BCL2: variants seen among roughly 807,000 people sequenced by gnomAD.
The protein encoded by BCL2 is apoptosis regulator Bcl-2.
BCL2 carries 1 observed loss-of-function variant against 14.2 expected under a neutral mutation model. The observed-to-expected ratio is 0.07, with a 90% CI of 0.02 to 0.33. BCL2 has a LOEUF of 0.33. BCL2 is among the 10% of genes least tolerant of loss of function. The pLI is 0.99. For synonymous variants in BCL2, 151 were observed against 137.2 expected (o/e 1.10, Z -0.70); for missense variants, 247 against 305.9 (o/e 0.81, Z 1.44).
chr18:63,222,466 G>C (rs1910424218), intron 2 of BCL2, among the ~76,000 whole-genome samples: 1 of 151,756 alleles, frequency 6.6e-6, no homozygotes, highest in Non-Finnish European at 1.5e-5. Context: ...ATCTCAAATG[G>C]AGTACAAAAT....
rs577905732 is a variant in BCL2, at chr18:63,274,305, T to A, written c.585+43777A>T. Among the ~76,000 whole-genome samples the A allele has an allele frequency of 5.2e-3, 684 of 132,302 alleles. 5 individuals carry two copies. Among genetic ancestry groups the A allele is most frequent in the African/African-American group, 0.019 (656 of 35,370 alleles). The allele number at this position is 132,302 out of a possible 152,430, so 86.8% of individuals were successfully genotyped here. A position where few individuals can be genotyped will look rare whatever the true frequency, so the allele number is the denominator to read the frequency against. On this transcript the variant is annotated intron_variant, in intron 2 of 2. Coordinates refer to ENST00000333681, the MANE Select transcript of BCL2 (RefSeq NM_000633.3). The stretch of plus-strand genomic sequence containing the variant: ...TTTTTTTTTTTTTTTTTTTTTGAGA[T>A]GGAGTCTTGCTCTGTCACCCAGGCT...
intron 2 of BCL2, among the ~76,000 whole-genome samples, chr18:63,217,537 A>G (rs1008951419): frequency 5.3e-5 from 8 of 152,206 alleles, no homozygotes; most frequent in South Asian, 4.1e-4. Flanking sequence ...ATGATCCCCA[A>G]TAGTTCACCC....
At chr18:63,267,476 T>C (rs1048752346) in intron 2 of BCL2, among the ~76,000 whole-genome samples, 3 of 152,024 alleles carry the variant, frequency 2.0e-5, no homozygotes, top group African/African-American at 4.8e-5. Context: ...GAAGAAAGAA[T>C]TGAGGATAAT....
chr18:63,245,666 C>T (rs977250782), intron 2 of BCL2, among the ~76,000 whole-genome samples: 5 of 152,142 alleles, frequency 3.3e-5, no homozygotes, highest in Non-Finnish European at 7.3e-5. Context: ...CTAATACTAA[C>T]GTCAGTTTCC....
chr18:63,237,127 C>T (rs1458711902), intron 2 of BCL2, among the ~76,000 whole-genome samples: 1 of 152,094 alleles, frequency 6.6e-6, no homozygotes, highest in Non-Finnish European at 1.5e-5. Flanking sequence ...CTGGTCGGCC[C>T]CCACCCCACC....
chr18:63,290,350 G>A (rs919617122), intron 2 of BCL2, among the ~76,000 whole-genome samples: 5 of 151,992 alleles, frequency 3.3e-5, no homozygotes, highest in Admixed American at 2.6e-4. Flanking sequence ...GAAGCTGTGG[G>A]GATGAAAAAG....
At chr18:63,214,668 C>A (rs1005433336) in intron 2 of BCL2, among the ~76,000 whole-genome samples, 1 of 151,910 alleles carries the variant, frequency 6.6e-6, no homozygotes, top group African/African-American at 2.4e-5. Flanking sequence ...AATTACATTT[C>A]GGGCCCTAAG....
Position 63,128,211 on chromosome 18 carries a change from T to C in BCL2, c.*414A>G, listed in dbSNP as rs916063139. 4.3e-5 allele frequency: 10 copies of C among 233,844 alleles called. No homozygotes were observed. In the Admixed American group the frequency reaches 5.1e-4, roughly 12 times the overall value. 14.5% of individuals were successfully genotyped at this position (233,844 alleles called of 1,614,324 possible). On this transcript the variant is annotated 3_prime_UTR_variant, in exon 3 of 3. Coordinates refer to ENST00000333681, the MANE Select transcript of BCL2 (RefSeq NM_000633.3). The stretch of plus-strand genomic sequence containing the variant: ...CCCCAATGATCAGGTCCTTTTTCCA[T>C]CCGTCTGCTCTTCAGATGGTGATCC...
chr18:63,248,747 T>G (rs1911222052), intron 2 of BCL2, among the ~76,000 whole-genome samples: 1 of 152,324 alleles, frequency 6.6e-6, no homozygotes, highest in South Asian at 2.1e-4. Context: ...CTATTAGCCA[T>G]GTAGACAATG....
At chr18:63,305,171 C>T (rs112236680) in intron 2 of BCL2, among the ~76,000 whole-genome samples, 1 of 152,176 alleles carries the variant, frequency 6.6e-6, no homozygotes, top group Admixed American at 6.5e-5. Context: ...AAGGCTGAAT[C>T]GAAGAAGGGA....
chr18:63,251,364 G>C (rs1218450753), intron 2 of BCL2, among the ~76,000 whole-genome samples: 1 of 152,140 alleles, frequency 6.6e-6, no homozygotes, highest in African/African-American at 2.4e-5. Flanking sequence ...AACCATGACT[G>C]TGTAACCTTA....
intron 2 of BCL2, among the ~76,000 whole-genome samples, chr18:63,147,029 G>A (rs1914530422): frequency 6.6e-6 from 1 of 152,202 alleles, no homozygotes; most frequent in Non-Finnish European, 1.5e-5. Flanking sequence ...TGGAGGGGAG[G>A]AGTCCCAGGA....
chr18:63,150,988 A>G (rs997173279), intron 2 of BCL2: 5 of 151,656 alleles, frequency 3.3e-5, no homozygotes, highest in African/African-American at 1.2e-4. Flanking sequence ...TTTCACCTTG[A>G]GCTCTCTTTG....
chr18:63,291,283 C>T (rs1020575533), intron 2 of BCL2, among the ~76,000 whole-genome samples: 4 of 152,098 alleles, frequency 2.6e-5, no homozygotes, highest in African/African-American at 9.7e-5. Context: ...CTGTATTTGT[C>T]GAAAGAATCT....
chr18:63,298,466 G>T (rs1245713684), intron 2 of BCL2, among the ~76,000 whole-genome samples: 22 of 152,142 alleles, frequency 1.4e-4, no homozygotes, highest in Admixed American at 1.4e-3. Flanking sequence ...TCCAGGCAAG[G>T]TGCAAATAGC....
chr18:63,304,030 T>A (rs1276841972), intron 2 of BCL2, among the ~76,000 whole-genome samples: 4 of 152,182 alleles, frequency 2.6e-5, no homozygotes, highest in Admixed American at 2.6e-4. Flanking sequence ...ACCCATTAAA[T>A]CTCCTCTGTG....
chr18:63,208,842 G>A lies in BCL2; in HGVS notation c.586-80083C>T, dbSNP rs553459809. Reference sequence around the variant, plus strand: ...GGGGGTTGGGAGGTACAAGCCTCCAGGAATCCACTGCAGCAGTGTGGGCCC... The same window carrying A: ...GGGGGTTGGGAGGTACAAGCCTCCAAGAATCCACTGCAGCAGTGTGGGCCC... On this transcript the variant is annotated intron_variant, in intron 2 of 2. Transcript: ENST00000333681. 1.5e-3 allele frequency among the ~76,000 whole-genome samples: 236 copies of A among 152,316 alleles called. 1 individual carries two copies. The Middle Eastern group carries it at 0.024, about 15-fold the overall frequency.
At chr18:63,221,704 G>A (rs1910396236) in intron 2 of BCL2, among the ~76,000 whole-genome samples, 1 of 152,180 alleles carries the variant, frequency 6.6e-6, no homozygotes, top group African/African-American at 2.4e-5. Context: ...CCATGAAAAG[G>A]TGGACTAAAG....
chr18:63,131,547 C>T (rs751458211), intron 2 of BCL2, among the ~76,000 whole-genome samples: 3 of 152,156 alleles, frequency 2.0e-5, no homozygotes, highest in Non-Finnish European at 2.9e-5. Context: ...AGGGAGCAAC[C>T]CAAGACATCA....
Sources: gnomAD v4.1 joint callset for allele counts (sites outside exome capture counted in the v4.1 genomes callset) on GRCh38, gnomAD v4.1.1 for gene constraint, MANE v1.5 for transcripts, NCBI Gene and HGNC (gene_info 2026-07-23, HGNC 2026-07-21) for gene names.